The following OR1M1 variants were observed in gnomAD, a reference collection of about 807,000 sequenced individuals.
OR1M1 encodes the protein olfactory receptor 1M1.
For missense variants in OR1M1, 397 were observed against 401.8 expected (o/e 0.99, Z 0.10); for synonymous variants, 157 against 165.5 (o/e 0.95, Z 0.39).
intron 1 of OR1M1, among the ~76,000 whole-genome samples, chr19:9,090,339 G>C (rs904486310): frequency 9.9e-5 from 15 of 152,128 alleles, no homozygotes; most frequent in African/African-American, 3.6e-4. Context: ...ATGAACGAAT[G>C]CGTGAGTGAA....
intron 1 of OR1M1, among the ~76,000 whole-genome samples, chr19:9,087,413 A>G (rs1174251581): frequency 6.6e-6 from 1 of 151,690 alleles, no homozygotes; most frequent in Non-Finnish European, 1.5e-5. Flanking sequence ...GAGTAGCTGG[A>G]ACTACAGGCA....
In OR1M1 at chr19:9,094,114, C is replaced by T. The variant is rs1358474778; in HGVS notation, c.870C>T (p.Tyr290=). The change falls in exon 2 of 2, where the codon TAC becomes TAT. Residue 290 remains tyrosine (Y), a synonymous_variant. Coordinates refer to ENST00000641627, the MANE Select transcript of OR1M1 (RefSeq NM_001004456.2). ...CCCCCATGCTGAATCCCTTCATCTA[C>T]AGCTTGAGGAACAGAGACCTGAAAG... ...AVTPMLNPFI[Y]SLRNRDLKGA... is the part of the protein sequence containing the mutation. The T allele has an allele frequency of 1.9e-6, 3 of 1,613,652 alleles. No individual in the cohort carries two copies. The highest frequency in any genetic ancestry group is 2.7e-5 in the African/African-American group (2 of 74,892).
At chr19:9,089,331 A>G (rs947873576) in intron 1 of OR1M1, among the ~76,000 whole-genome samples, 3 of 151,752 alleles carry the variant, frequency 2.0e-5, no homozygotes, top group Non-Finnish European at 2.9e-5. Context: ...TTCATTTATA[A>G]TATGCTCCAA....
intron 1 of OR1M1, among the ~76,000 whole-genome samples, chr19:9,090,768 T>C (rs1003398686): frequency 6.6e-6 from 1 of 151,976 alleles, no homozygotes; most frequent in African/African-American, 2.4e-5. Flanking sequence ...GATAATTGGA[T>C]GCATGAGGCT....
chr19:9,090,483 G>A (rs2050286386), intron 1 of OR1M1, among the ~76,000 whole-genome samples: 1 of 152,002 alleles, frequency 6.6e-6, no homozygotes, highest in Admixed American at 6.6e-5. Flanking sequence ...TTTTTGAGAT[G>A]GAGTTTCGCT....
At position 9,095,330 on chromosome 19, in the gene OR1M1, C is replaced by A. The variant is rs2050320968; in HGVS notation, c.*1144C>A. ...GGGAGGAGTCTTAGGAAGATGTCAACACGTGAAGGAGTGAAATGCCGCCAT... is the reference window on the plus strand; with the variant it reads ...GGGAGGAGTCTTAGGAAGATGTCAAAACGTGAAGGAGTGAAATGCCGCCAT... On this transcript the variant is annotated 3_prime_UTR_variant, in exon 2 of 2. Transcript: ENST00000641627. 6.6e-6 allele frequency: 1 copy of A among 152,206 alleles called. No homozygotes were observed. Among genetic ancestry groups the A allele is most frequent in the Non-Finnish European group, 1.5e-5 (1 of 68,072 alleles). 9.4% of individuals were successfully genotyped at this position (152,206 alleles called of 1,614,324 possible). A position where few individuals can be genotyped will look rare whatever the true frequency, so the allele number is the denominator to read the frequency against.
intron 1 of OR1M1, among the ~76,000 whole-genome samples, chr19:9,087,787 A>G (rs2050272328): frequency 6.6e-6 from 1 of 152,108 alleles, no homozygotes; most frequent in South Asian, 2.1e-4. Context: ...GTCAGCCCAG[A>G]ATCCAATGGC....
Position 9,087,671 on chromosome 19 carries a change from G to A in OR1M1, c.-14+514G>A, listed in dbSNP as rs547758481. On this transcript the variant is annotated intron_variant, in intron 1 of 1. Coordinates refer to ENST00000641627, the MANE Select transcript of OR1M1 (RefSeq NM_001004456.2). Reference sequence around the variant, plus strand: ...TCACCATGTTGGTCAGGCTGATCTCGAACACCTGACCTCAGGTGATCACCC... The same window carrying A: ...TCACCATGTTGGTCAGGCTGATCTCAAACACCTGACCTCAGGTGATCACCC... Among the ~76,000 whole-genome samples the A allele has an allele frequency of 7.2e-5, 11 of 152,120 alleles. No individual in the cohort carries two copies. In the South Asian group the frequency reaches 1.9e-3, roughly 26 times the overall value.
intron 1 of OR1M1, among the ~76,000 whole-genome samples, chr19:9,090,982 T>TGC (rs2050289468): frequency 6.6e-6 from 1 of 151,324 alleles, no homozygotes; most frequent in Non-Finnish European, 1.5e-5. Context: ...CTGGCTAACA[T>TGC]GGTGAAACCC....
chr19:9,093,773 T>C lies in OR1M1; in HGVS notation c.529T>C (p.Tyr177His). The C allele has an allele frequency of 6.2e-7, 1 of 1,613,946 alleles. No individual in the cohort carries two copies. Among genetic ancestry groups the C allele is most frequent in the South Asian group, 1.1e-5 (1 of 91,072 alleles). The stretch of plus-strand genomic sequence containing the variant: ...CTGCGGCAGCCATGAGGTGCCTCAC[T>C]ACTTCTGCGACCTCACTCCCATCCT... Reference protein sequence around the residue: ...VFCGSHEVPHYFCDLTPILRL... With the variant: ...VFCGSHEVPHHFCDLTPILRL... Residue 177 changes from tyrosine to histidine, a missense_variant, in exon 2 of 2, where the codon TAC becomes CAC. By Grantham distance (83) the Tyr-to-His change is moderately conservative. Coordinates refer to ENST00000641627, the MANE Select transcript of OR1M1 (RefSeq NM_001004456.2).
At chr19:9,089,506 C>T (rs1568296255) in intron 1 of OR1M1, among the ~76,000 whole-genome samples, 1 of 151,616 alleles carries the variant, frequency 6.6e-6, no homozygotes, top group African/African-American at 2.4e-5. Flanking sequence ...TCACTGCAAC[C>T]TCCGCCTCCT....
chr19:9,089,972 A>T (rs2050284240), intron 1 of OR1M1, among the ~76,000 whole-genome samples: 1 of 152,200 alleles, frequency 6.6e-6, no homozygotes, highest in Non-Finnish European at 1.5e-5. Flanking sequence ...TAATCCAGCC[A>T]CCTGCTCTCA....
intron 1 of OR1M1, 105 bp from the exon 2 acceptor site, chr19:9,093,127 T>A (rs1339954734): frequency 3.1e-5 from 19 of 615,468 alleles, no homozygotes; most frequent in Non-Finnish European, 5.2e-5. Flanking sequence ...TATATACACA[T>A]CTGGTCTCAT....
chr19:9,095,601 A>C lies in OR1M1; in HGVS notation c.*1415A>C, dbSNP rs1393337031. ...TTTTTGGTAGAGATGGGGTCTCACT[A>C]TGTTGTCCAGGCTGCTCTCAAACTC... On this transcript the variant is annotated 3_prime_UTR_variant, in exon 2 of 2. Transcript: ENST00000641627. 1 of 151,416 alleles carries C rather than the reference A, an allele frequency of 6.6e-6. No homozygotes were observed. Among genetic ancestry groups the C allele is most frequent in the African/African-American group, 2.4e-5 (1 of 41,126 alleles). 9.4% of individuals were successfully genotyped at this position (151,416 alleles called of 1,614,324 possible). A position where few individuals can be genotyped will look rare whatever the true frequency, so the allele number is the denominator to read the frequency against.
In OR1M1 at chr19:9,093,414, C is replaced by T. The variant is rs769976871; in HGVS notation, c.170C>T (p.Thr57Ile). ...LAISIDSHLH[T>I]PMYFFLANLS... ...ATCAGCATAGACTCCCACCTCCACA[C>T]CCCCATGTACTTCTTCCTGGCCAAC... Residue 57 changes from threonine to isoleucine, a missense_variant, in exon 2 of 2, where the codon ACC becomes ATC. Transcript: ENST00000641627. The T allele has an allele frequency of 3.7e-6, 6 of 1,613,874 alleles. No homozygotes were observed. In the South Asian group the frequency reaches 5.5e-5, roughly 15 times the overall value.
chr19:9,090,622 C>T (rs1009414798), intron 1 of OR1M1, among the ~76,000 whole-genome samples: 29 of 151,706 alleles, frequency 1.9e-4, no homozygotes, highest in African/African-American at 5.6e-4. Flanking sequence ...TTAGTAGAGA[C>T]GGGTTTTCTC....
In OR1M1 at chr19:9,094,010, A is replaced by G. The variant is rs761924550; in HGVS notation, c.766A>G (p.Ile256Val). 1.5e-5 allele frequency: 24 copies of G among 1,613,928 alleles called. No homozygotes were observed. The highest frequency in any genetic ancestry group is 2.0e-5 in the Non-Finnish European group (24 of 1,180,016). ...SVVALFYGTT[I>V]GVYLCPSSVL... is the part of the protein sequence containing the mutation. Reference sequence around the variant, plus strand: ...GGTTGCTCTCTTCTATGGGACCACCATTGGCGTCTATCTGTGTCCCTCCTC... The same window carrying G: ...GGTTGCTCTCTTCTATGGGACCACCGTTGGCGTCTATCTGTGTCCCTCCTC... Residue 256 changes from isoleucine to valine, a missense_variant, in exon 2 of 2, where the codon ATT becomes GTT. Physicochemically the swap from Ile to Val is conservative, Grantham distance 29. Coordinates refer to ENST00000641627, the MANE Select transcript of OR1M1 (RefSeq NM_001004456.2).
At chr19:9,089,644 C>T (rs951356443) in intron 1 of OR1M1, among the ~76,000 whole-genome samples, 1 of 151,998 alleles carries the variant, frequency 6.6e-6, no homozygotes, top group African/African-American at 2.4e-5. Flanking sequence ...AGGCTGGTCT[C>T]GAACTCCTGA....
rs1330625706 is a variant in OR1M1 at position 9,093,846 on chromosome 19, T to C, written c.602T>C (p.Ile201Thr). The C allele has an allele frequency of 6.2e-7, 1 of 1,614,132 alleles. No individual in the cohort carries two copies. Among genetic ancestry groups the C allele is most frequent in the Non-Finnish European group, 8.5e-7 (1 of 1,180,020 alleles). Reference protein sequence around the residue: ...DTSVNRIFILIVAGMVIATPF... With the variant: ...DTSVNRIFILTVAGMVIATPF... ...TCTGTGAATAGGATCTTCATCCTCA[T>C]TGTGGCAGGGATGGTGATAGCCACG... is the stretch of plus-strand genomic sequence containing the variant. Residue 201 changes from isoleucine to threonine, a missense_variant, in exon 2 of 2, where the codon ATT (isoleucine) becomes ACT (threonine). Coordinates refer to ENST00000641627, the MANE Select transcript of OR1M1 (RefSeq NM_001004456.2).
Sources: allele counts gnomAD v4.1 joint callset (sites outside exome capture counted in the v4.1 genomes callset), GRCh38; gene constraint gnomAD v4.1.1; transcripts MANE v1.5; gene names NCBI Gene and HGNC (gene_info 2026-07-23, HGNC 2026-07-21).